Variants in ROBO2 observed in about 807,000 individuals in gnomAD.
ROBO2 encodes the protein roundabout guidance receptor 2.
ROBO2 carries 53 observed loss-of-function variants against 160.8 expected under a neutral mutation model. That is an observed-to-expected ratio of 0.33 (90% CI 0.26 to 0.41). The LOEUF (loss-of-function observed/expected upper bound fraction) is 0.41. ROBO2 is among the 10% of genes least tolerant of loss of function. ROBO2 has a pLI of 1.00. For missense variants in ROBO2, 1,577 were observed against 1,722.4 expected (o/e 0.92, Z 1.49); for synonymous variants, 664 against 611.7 (o/e 1.09, Z -1.26).
chr3:76,215,410 G>A (rs1320377875), intron 2 of ROBO2, among the ~76,000 whole-genome samples: 7 of 151,696 alleles, frequency 4.6e-5, no homozygotes, highest in Non-Finnish European at 8.8e-5. Context: ...TAAAAACTTT[G>A]AAAAAAAATT....
intron 2 of ROBO2, among the ~76,000 whole-genome samples, chr3:77,418,309 C>T (rs1010179754): frequency 2.6e-5 from 4 of 152,060 alleles, no homozygotes; most frequent in Non-Finnish European, 5.9e-5. Flanking sequence ...GGAGGATATT[C>T]TTATCATCAT....
intron 2 of ROBO2, among the ~76,000 whole-genome samples, chr3:76,822,405 A>T (rs546963312): frequency 6.6e-6 from 1 of 152,178 alleles, no homozygotes; most frequent in South Asian, 2.1e-4. Flanking sequence ...TAATTTTATT[A>T]CTATAACAAT....
chr3:76,871,481 G>A (rs1395489665), intron 2 of ROBO2, among the ~76,000 whole-genome samples: 6 of 149,110 alleles, frequency 4.0e-5, no homozygotes, highest in Non-Finnish European at 8.9e-5. Context: ...GTGAACCCGG[G>A]AGGCGGAGCT....
At chr3:76,669,669 G>C (rs1462142811) in intron 2 of ROBO2, among the ~76,000 whole-genome samples, 1 of 152,158 alleles carries the variant, frequency 6.6e-6, no homozygotes, top group Non-Finnish European at 1.5e-5. Flanking sequence ...ATCAACCGGG[G>C]ACGGGGACCA....
chr3:76,453,960 G>T (rs2077613550), intron 2 of ROBO2, among the ~76,000 whole-genome samples: 1 of 152,114 alleles, frequency 6.6e-6, no homozygotes, highest in Admixed American at 6.6e-5. Flanking sequence ...CCCAGAAAGT[G>T]CATGAGTACC....
At chr3:76,530,283 A>G (rs141024527) in intron 2 of ROBO2, among the ~76,000 whole-genome samples, 8 of 152,286 alleles carry the variant, frequency 5.3e-5, no homozygotes, top group Non-Finnish European at 4.4e-5. Flanking sequence ...CAGAAGCCAC[A>G]CATGATTTTG....
intron 2 of ROBO2, among the ~76,000 whole-genome samples, chr3:76,879,607 T>C (rs982760150): frequency 2.0e-5 from 3 of 151,842 alleles, no homozygotes; most frequent in Non-Finnish European, 4.4e-5. Context: ...GTCCAGAAGA[T>C]CAAAGCAAAC....
At chr3:76,777,938 T>C (rs7427651) in intron 2 of ROBO2, among the ~76,000 whole-genome samples, 126,495 of 150,994 alleles carry the variant, frequency 0.84, 53,093 homozygotes, top group Admixed American at 0.86. Flanking sequence ...CTGAAAAGCT[T>C]GTTATAAAAT....
chr3:76,074,094 G>A (rs2068565216), intron 2 of ROBO2, among the ~76,000 whole-genome samples: 1 of 152,058 alleles, frequency 6.6e-6, no homozygotes, highest in Non-Finnish European at 1.5e-5. Flanking sequence ...CAGATAATAT[G>A]GCATCTCTGT....
At chr3:76,218,803 GA>G (rs1001507582) in intron 2 of ROBO2, among the ~76,000 whole-genome samples, 2 of 152,082 alleles carry the variant, frequency 1.3e-5, no homozygotes, top group African/African-American at 4.8e-5. Flanking sequence ...CACAGAATTG[GA>G]AAAAACTACT....
At chr3:76,056,770 AGTG>A (rs1363255542) in intron 2 of ROBO2, among the ~76,000 whole-genome samples, 1 of 152,146 alleles carries the variant, frequency 6.6e-6, no homozygotes, top group Admixed American at 6.5e-5. Context: ...TGAATTCACA[AGTG>A]GTGATTGGTA....
rs900635106 is a variant in ROBO2 at position 76,211,712 on chromosome 3, A to G, written c.109+274110A>G. On this transcript the variant is annotated intron_variant, in intron 2 of 26. Coordinates refer to the ROBO2 transcript ENST00000487694. Reference sequence around the variant, plus strand: ...TTTAAAAATGTATTTCCTGAAGTGTATACATTTTTTGTACACTGTTTTATT... The same window carrying G: ...TTTAAAAATGTATTTCCTGAAGTGTGTACATTTTTTGTACACTGTTTTATT... 3.3e-5 allele frequency among the ~76,000 whole-genome samples: 5 copies of G among 152,214 alleles called. No individual in the cohort carries two copies. In the East Asian group the frequency reaches 7.7e-4, roughly 23 times the overall value.
intron 23 of ROBO2, among the ~76,000 whole-genome samples, chr3:77,625,922 C>T (rs1172222101): frequency 5.9e-5 from 9 of 151,992 alleles, no homozygotes; most frequent in Admixed American, 2.6e-4. Context: ...CCTCACAACC[C>T]TATTAATAGT....
intron 2 of ROBO2, among the ~76,000 whole-genome samples, chr3:77,465,570 T>G (rs1351775133): frequency 6.6e-6 from 1 of 152,168 alleles, no homozygotes; most frequent in East Asian, 1.9e-4. Flanking sequence ...GTGACTCCAG[T>G]GTGTATCAGA....
intron 2 of ROBO2, among the ~76,000 whole-genome samples, chr3:77,328,738 A>G (rs1231305793): frequency 3.9e-5 from 6 of 152,192 alleles, no homozygotes; most frequent in Non-Finnish European, 7.3e-5. Flanking sequence ...AAAAATAAAA[A>G]TAAAAAAAGG....
chr3:77,328,448 TTGAC>T (rs1214770614), intron 2 of ROBO2, among the ~76,000 whole-genome samples: 18 of 152,230 alleles, frequency 1.2e-4, no homozygotes, highest in African/African-American at 4.3e-4. Flanking sequence ...CCAGAATTAA[TTGAC>T]TACCAGCGTC....
chr3:77,589,032 T>C, intron 17 of ROBO2, 99 bp downstream of exon 18: 2 of 1,409,120 alleles, frequency 1.4e-6, no homozygotes, highest in Non-Finnish European at 2.0e-6. Flanking sequence ...TGATTTGGGC[T>C]TATTTTAGAA....
intron 2 of ROBO2, among the ~76,000 whole-genome samples, chr3:75,939,738 C>T (rs1480479923): frequency 1.3e-5 from 2 of 151,934 alleles, no homozygotes; most frequent in East Asian, 3.9e-4. Flanking sequence ...GATCAATAAG[C>T]CTCATTAAAT....
intron 2 of ROBO2, among the ~76,000 whole-genome samples, chr3:77,446,429 C>G (rs2153558566): frequency 6.6e-6 from 1 of 152,194 alleles, no homozygotes; most frequent in South Asian, 2.1e-4. Flanking sequence ...CTTGATTTAA[C>G]TGCTGGGCAA....
Sources: allele counts gnomAD v4.1 joint callset (sites outside exome capture counted in the v4.1 genomes callset), GRCh38; gene constraint gnomAD v4.1.1; transcripts MANE v1.5; gene names NCBI Gene and HGNC (gene_info 2026-07-23, HGNC 2026-07-21).